DNAJC6: variants seen among roughly 807,000 people sequenced by gnomAD.
The protein encoded by DNAJC6 is DnaJ heat shock protein family (Hsp40) member C6.
In DNAJC6, 34 loss-of-function variants were observed where a neutral mutation model predicts 110.0. The observed-to-expected ratio is 0.31, with a 90% CI of 0.24 to 0.41. DNAJC6 has a LOEUF of 0.41. DNAJC6 is among the 10% of genes least tolerant of loss of function. The pLI is 1.00. For synonymous variants in DNAJC6, 406 were observed against 437.2 expected, an observed-to-expected ratio of 0.93 and a Z score of 0.89; for missense variants, 1,031 against 1,207.8, an observed-to-expected ratio of 0.85 and a Z score of 2.17.
At position 65,364,616 on chromosome 1, in the gene DNAJC6, T is replaced by TTG; in HGVS notation, c.194-18_194-17insGT. 7.4e-7 allele frequency: 1 copy of TTG among 1,357,638 alleles called. No homozygotes were observed. The highest frequency in any genetic ancestry group is 9.5e-7 in the Non-Finnish European group (1 of 1,048,898). 84.1% of individuals were successfully genotyped at this position (1,357,638 alleles called of 1,614,324 possible). ...GCCATCACCATTTTTGTTTGTTTGT[T>TTG]TTTTTTTTTTTTTGGCAGGTGCCTC... On this transcript the variant is annotated intron_variant, in intron 1 of 18. Coordinates refer to ENST00000371069, the MANE Select transcript of DNAJC6 (RefSeq NM_001256864.2).
At position 65,335,875 on chromosome 1, in the gene DNAJC6, G is replaced by A. The variant is rs189271916; in HGVS notation, c.193+25937G>A. 3.9e-5 allele frequency among the ~76,000 whole-genome samples: 6 copies of A among 152,240 alleles called. No individual in the cohort carries two copies. The East Asian group carries it at 1.2e-3, about 29-fold the overall frequency. On this transcript the variant is annotated intron_variant, in intron 1 of 18. Transcript: ENST00000371069. ...AAAGAACACCTTTGTTTCTCTTTAT[G>A]AACCACACCTTAGGGAGGCAAGGGT...
chr1:65,349,872 G>C (rs1645475139), intron 1 of DNAJC6, among the ~76,000 whole-genome samples: 1 of 152,082 alleles, frequency 6.6e-6, no homozygotes, highest in African/African-American at 2.4e-5. Flanking sequence ...GGTTCTCTAG[G>C]AAACGTTTGG....
At chr1:65,301,102 C>T (rs1644974126) in intron 1 of DNAJC6, among the ~76,000 whole-genome samples, 1 of 152,170 alleles carries the variant, frequency 6.6e-6, no homozygotes, top group Admixed American at 6.5e-5. Context: ...GTGTTTTCTT[C>T]AAGACTGAGA....
intron 1 of DNAJC6, among the ~76,000 whole-genome samples, chr1:65,287,705 G>A (rs1042686294): frequency 6.6e-6 from 1 of 152,118 alleles, no homozygotes; most frequent in Non-Finnish European, 1.5e-5. Context: ...CTGGGCTCCA[G>A]TGATCCTCCT....
chr1:65,337,352 G>C (rs1570295402), intron 1 of DNAJC6, among the ~76,000 whole-genome samples: 1 of 150,764 alleles, frequency 6.6e-6, no homozygotes, highest in African/African-American at 2.4e-5. Flanking sequence ...TTCCTCATCA[G>C]ATATTTGGTT....
rs1364594777 is a variant in DNAJC6 at position 65,309,775 on chromosome 1, G to A, written c.30G>A (p.Lys10=). Residue 10 remains lysine, a synonymous_variant, in exon 1 of 19, where the codon AAG becomes AAA. Coordinates refer to ENST00000371069, the MANE Select transcript of DNAJC6 (RefSeq NM_001256864.2). MSLLGSYRK[K]TSNDGYESLQ... is the part of the protein sequence containing the mutation. ...GCCTCCTCGGGAGCTACCGGAAAAA[G>A]ACCAGCAACGATGGTTATGAATCTT... 1 of 1,548,764 alleles carries A rather than the reference G, an allele frequency of 6.5e-7. No individual in the cohort carries two copies. Among genetic ancestry groups the A allele is most frequent in the South Asian group, 1.2e-5 (1 of 84,048 alleles).
intron 1 of DNAJC6, among the ~76,000 whole-genome samples, chr1:65,268,539 A>G (rs1447092211): frequency 6.6e-6 from 1 of 152,184 alleles, no homozygotes; most frequent in Non-Finnish European, 1.5e-5. Flanking sequence ...GTGGTATTTT[A>G]TTCTGAAGAA....
intron 1 of DNAJC6, among the ~76,000 whole-genome samples, chr1:65,335,148 G>A (rs1436159629): frequency 2.7e-5 from 4 of 148,760 alleles, no homozygotes; most frequent in Non-Finnish European, 4.4e-5. Flanking sequence ...TCACTCTGTC[G>A]CCAGGCTGGA....
intron 4 of DNAJC6, among the ~76,000 whole-genome samples, chr1:65,370,863 A>C (rs1162649918): frequency 6.6e-6 from 1 of 152,166 alleles, no homozygotes; most frequent in Non-Finnish European, 1.5e-5. Context: ...GAGCACACCA[A>C]AGAGGTCGCT....
At chr1:65,395,186 C>T (rs1479579640) in intron 13 of DNAJC6, among the ~76,000 whole-genome samples, 154 bp downstream of exon 13, 1 of 152,180 alleles carries the variant, frequency 6.6e-6, no homozygotes, top group African/African-American at 2.4e-5. Context: ...CTTAACATAT[C>T]AAAATCTCTG....
chr1:65,320,518 A>G (rs1645188499), intron 1 of DNAJC6, among the ~76,000 whole-genome samples: 1 of 152,212 alleles, frequency 6.6e-6, no homozygotes, highest in African/African-American at 2.4e-5. Flanking sequence ...GAGAAAAATC[A>G]TACTGACCCT....
chr1:65,405,038 G>T (rs910872893), intron 15 of DNAJC6, among the ~76,000 whole-genome samples: 1 of 152,078 alleles, frequency 6.6e-6, no homozygotes, highest in Non-Finnish European at 1.5e-5. Flanking sequence ...ACATGAAAGG[G>T]TCTTTGGACA....
At chr1:65,292,586 A>G (rs1644889843) in intron 1 of DNAJC6, among the ~76,000 whole-genome samples, 2 of 151,086 alleles carry the variant, frequency 1.3e-5, no homozygotes, top group South Asian at 4.2e-4. Context: ...ACACACCATC[A>G]TGCCTGGCTA....
intron 1 of DNAJC6, among the ~76,000 whole-genome samples, chr1:65,268,457 TTTAA>T (rs1653405434): frequency 6.6e-6 from 1 of 152,244 alleles, no homozygotes; most frequent in Non-Finnish European, 1.5e-5. Flanking sequence ...ATAGCTCCTA[TTTAA>T]TTAACAACTG....
rs766346073 is a variant in DNAJC6 at position 65,379,527 on chromosome 1, G to A, written c.666+3G>A. 7 of 1,613,902 alleles carry A rather than the reference G, an allele frequency of 4.3e-6. No homozygotes were observed. The Admixed American group carries it at 5.0e-5, about 12-fold the overall frequency. On this transcript the variant is annotated splice_donor_region_variant and intron_variant, in intron 5 of 18. Coordinates refer to ENST00000371069, the MANE Select transcript of DNAJC6 (RefSeq NM_001256864.2). ...ATGTCTGTGTTGTCCACTGCTTGGT[G>A]AGTAACCTTTTGTTGTTGGTGGTGA... is the stretch of plus-strand genomic sequence containing the variant.
At chr1:65,309,521 C>A, upstream of DNAJC6, 4 of 1,163,438 alleles carry the variant, frequency 3.4e-6, no homozygotes, top group Non-Finnish European at 4.2e-6. Context: ...CTCCTTCCCT[C>A]CCTCCCTCCT....
At chr1:65,388,832 C>T (rs1489490194) in intron 9 of DNAJC6, among the ~76,000 whole-genome samples, 3 of 152,112 alleles carry the variant, frequency 2.0e-5, no homozygotes, top group Non-Finnish European at 2.9e-5. Context: ...CTTTCTGCAC[C>T]GACATTAACC....
At chr1:65,345,679 G>A (rs199751285) in intron 1 of DNAJC6, 1 of 174,672 alleles carries the variant, frequency 5.7e-6, no homozygotes, top group Non-Finnish European at 6.7e-6. Flanking sequence ...TTGAGTGGAA[G>A]GAGTCTGAAG....
intron 5 of DNAJC6, among the ~76,000 whole-genome samples, chr1:65,380,635 T>C (rs1456247379): frequency 2.0e-5 from 3 of 152,146 alleles, no homozygotes; most frequent in Non-Finnish European, 2.9e-5. Context: ...TTCTCTTTAC[T>C]CAAGAATTTG....
Sources: gnomAD v4.1 joint callset for allele counts (sites outside exome capture counted in the v4.1 genomes callset) on GRCh38, gnomAD v4.1.1 for gene constraint, MANE v1.5 for transcripts, NCBI Gene and HGNC (gene_info 2026-07-23, HGNC 2026-07-21) for gene names.